The following LRFN2 variants were observed in gnomAD, a reference collection of about 807,000 sequenced individuals.
LRFN2 encodes leucine rich repeat and fibronectin type III domain containing 2.
Under a neutral mutation model 37.3 loss-of-function variants are expected in LRFN2, and 18 were observed. The ratio of observed to expected loss-of-function variants is 0.48; its 90% CI spans 0.33 to 0.72. The LOEUF is 0.72. LRFN2 is among the 30% of genes least tolerant of loss of function. The pLI is 0.02. For synonymous variants in LRFN2, 556 were observed against 466.6 expected (o/e 1.19, Z -2.47); for missense variants, 1,006 against 1,060.7 (o/e 0.95, Z 0.72).
At chr6:40,397,771 C>CA (rs1481112464) in intron 2 of LRFN2, among the ~76,000 whole-genome samples, 2 of 147,242 alleles carry the variant, frequency 1.4e-5, no homozygotes, top group Non-Finnish European at 3.1e-5. Flanking sequence ...GAACCCAGAG[C>CA]TAATAGCAGC....
At chr6:40,557,302 C>T (rs1217120194) in intron 1 of LRFN2, among the ~76,000 whole-genome samples, 1 of 152,178 alleles carries the variant, frequency 6.6e-6, no homozygotes, top group Non-Finnish European at 1.5e-5. Context: ...GATGTCCTCT[C>T]TCAGAGATAA....
chr6:40,443,028 CAA>C (rs1346511376), intron 1 of LRFN2, among the ~76,000 whole-genome samples: 2 of 151,866 alleles, frequency 1.3e-5, no homozygotes, highest in African/African-American at 4.8e-5. Flanking sequence ...ATTATTAAAA[CAA>C]AAATAATTTA....
At chr6:40,546,923 T>C (rs917990304) in intron 1 of LRFN2, among the ~76,000 whole-genome samples, 3 of 152,192 alleles carry the variant, frequency 2.0e-5, no homozygotes, top group African/African-American at 7.2e-5. Flanking sequence ...CTTCTGAGTC[T>C]CAGTTTCTTC....
intron 2 of LRFN2, among the ~76,000 whole-genome samples, chr6:40,403,671 G>A (rs1013695783): frequency 6.6e-6 from 1 of 152,138 alleles, no homozygotes; most frequent in Non-Finnish European, 1.5e-5. Flanking sequence ...CAGCAGGCAG[G>A]GTTGGCATCA....
chr6:40,465,278 A>T (rs1230472216), intron 1 of LRFN2, among the ~76,000 whole-genome samples: 1 of 152,060 alleles, frequency 6.6e-6, no homozygotes, highest in East Asian at 1.9e-4. Flanking sequence ...GTTTAATGAG[A>T]CCCATTTTGA....
intron 2 of LRFN2, among the ~76,000 whole-genome samples, chr6:40,411,959 C>T (rs995981628): frequency 2.6e-5 from 4 of 152,144 alleles, no homozygotes; most frequent in African/African-American, 4.8e-5. Flanking sequence ...GGAACAGGAG[C>T]ATTTCTTTGC....
chr6:40,565,797 G>A (rs1173841240), intron 1 of LRFN2, among the ~76,000 whole-genome samples: 1 of 151,684 alleles, frequency 6.6e-6, no homozygotes, highest in South Asian at 2.1e-4. Context: ...AGAAAACCTA[G>A]GCAATACCAT....
At chr6:40,517,646 CTAA>C (rs1765923010) in intron 1 of LRFN2, 1 of 152,196 alleles carries the variant, frequency 6.6e-6, no homozygotes. Context: ...CGATGCCTCC[CTAA>C]CACCTGTGTA....
chr6:40,563,321 G>C (rs567370640), intron 1 of LRFN2, among the ~76,000 whole-genome samples: 2 of 152,244 alleles, frequency 1.3e-5, no homozygotes, highest in South Asian at 4.1e-4. Flanking sequence ...GACAGCTGCC[G>C]GGCCAATGAG....
At chr6:40,397,317 A>G (rs1023234513) in intron 2 of LRFN2, among the ~76,000 whole-genome samples, 2 of 151,936 alleles carry the variant, frequency 1.3e-5, no homozygotes, top group Non-Finnish European at 1.5e-5. Context: ...CTGCCTTCCA[A>G]CTCCACATAC....
At chr6:40,482,933 C>A (rs1002081264) in intron 1 of LRFN2, among the ~76,000 whole-genome samples, 3 of 152,232 alleles carry the variant, frequency 2.0e-5, no homozygotes, top group Non-Finnish European at 2.9e-5. Context: ...TGTGCCCACG[C>A]CACTGCCAGC....
intron 1 of LRFN2, among the ~76,000 whole-genome samples, chr6:40,560,317 A>G (rs1470539777): frequency 6.6e-6 from 1 of 152,182 alleles, no homozygotes; most frequent in Non-Finnish European, 1.5e-5. Flanking sequence ...TTCAAGGTCT[A>G]TAGGCTCTTC....
intron 1 of LRFN2, among the ~76,000 whole-genome samples, chr6:40,524,424 TACTG>T (rs1368144133): frequency 2.5e-5 from 3 of 121,104 alleles, no homozygotes; most frequent in Non-Finnish European, 5.0e-5. Context: ...CACTGACACA[TACTG>T]ACACACACAC....
chr6:40,499,108 A>C (rs1765308551), intron 1 of LRFN2, among the ~76,000 whole-genome samples: 1 of 152,184 alleles, frequency 6.6e-6, no homozygotes, highest in Non-Finnish European at 1.5e-5. Context: ...AGGCCCTTTA[A>C]AGTTCAAAGT....
At chr6:40,481,452 AAAAAAG>A (rs1327023386) in intron 1 of LRFN2, among the ~76,000 whole-genome samples, 1 of 151,812 alleles carries the variant, frequency 6.6e-6, no homozygotes, top group Non-Finnish European at 1.5e-5. Flanking sequence ...AAAAAAAAAA[AAAAAAG>A]AGAGAAAGAA....
intron 2 of LRFN2, among the ~76,000 whole-genome samples, chr6:40,425,858 G>A (rs1197146475): frequency 6.6e-6 from 1 of 152,244 alleles, no homozygotes; most frequent in Non-Finnish European, 1.5e-5. Context: ...GTTTTATACA[G>A]CCTAATTCAA....
At chr6:40,449,603 A>G (rs1012986593) in intron 1 of LRFN2, among the ~76,000 whole-genome samples, 1 of 152,222 alleles carries the variant, frequency 6.6e-6, no homozygotes, top group African/African-American at 2.4e-5. Context: ...TTGAGAATGC[A>G]AAACAATAAG....
rs375877103 is a variant in LRFN2 at position 40,543,228 on chromosome 6, G to A, written c.-19+43713C>T. On this transcript the variant is annotated intron_variant, in intron 1 of 2. Coordinates refer to ENST00000338305, the MANE Select transcript of LRFN2 (RefSeq NM_020737.3). ...TCCCTGCTTTATAGCGCAGAGTCCA[G>A]AGGGATAATTGTCTCTTTCTCTCTC... Among the ~76,000 whole-genome samples the A allele has an allele frequency of 1.9e-4, 29 of 152,342 alleles. No individual in the cohort carries two copies. In the East Asian group the frequency reaches 5.4e-3, roughly 28 times the overall value.
In LRFN2 at chr6:40,579,916, G is replaced by T. The variant is rs966000825; in HGVS notation, c.-19+7025C>A. Reference sequence around the variant, plus strand: ...CTGCTAGCCATCAAGTCGTGAAAGGGATGGGTGAAGATGGATGGGATTGCT... The same window carrying T: ...CTGCTAGCCATCAAGTCGTGAAAGGTATGGGTGAAGATGGATGGGATTGCT... On this transcript the variant is annotated intron_variant, in intron 1 of 2. Coordinates refer to ENST00000338305, the MANE Select transcript of LRFN2 (RefSeq NM_020737.3). Among the ~76,000 whole-genome samples, 17 of 152,180 alleles carry T rather than the reference G, an allele frequency of 1.1e-4. No individual in the cohort carries two copies. The East Asian group carries it at 3.1e-3, about 28-fold the overall frequency.
Sources: allele counts gnomAD v4.1 joint callset (sites outside exome capture counted in the v4.1 genomes callset), GRCh38; gene constraint gnomAD v4.1.1; transcripts MANE v1.5; gene names NCBI Gene and HGNC (gene_info 2026-07-23, HGNC 2026-07-21).